CCSER1: variants seen among roughly 807,000 people sequenced by gnomAD.
CCSER1 encodes the protein serine-rich coiled-coil domain-containing protein 1.
A neutral mutation model predicts 82.0 loss-of-function variants in CCSER1; 41 were observed. The observed-to-expected ratio is 0.50, with a 90% CI of 0.39 to 0.65. The LOEUF is 0.65. Among genes scored for constraint, CCSER1 ranks in the 30% least tolerant of loss-of-function variants. The pLI, the probability that CCSER1 is intolerant of heterozygous loss-of-function variation, is 0.00. For synonymous variants in CCSER1, 414 were observed against 383.9 expected (o/e 1.08, Z -0.92); for missense variants, 1,119 against 1,064.2 (o/e 1.05, Z -0.72).
rs1292086803 is a variant in CCSER1 at position 91,598,716 on chromosome 4, C to T, written c.2362C>T (p.Leu788Phe). 2 of 1,551,530 alleles carry T rather than the reference C, an allele frequency of 1.3e-6. 1 individual carries two copies. Among genetic ancestry groups the T allele is most frequent in the Non-Finnish European group, 1.7e-6 (2 of 1,146,918 alleles). ...YKNKTCQLPS[L>F]CLSNFLKDKE... ...AAACAAGACCTGTCAACTCCCAAGT[C>T]TCTGTTTAAGTAATTTCCTGAAGGA... The change falls in exon 11 of 11, where the codon CTC (leucine) becomes TTC (phenylalanine). Residue 788 changes from leucine (L) to phenylalanine (F), a missense_variant. Leu to Phe is a conservative substitution (Grantham distance 22). Coordinates refer to ENST00000509176, the MANE Select transcript of CCSER1 (RefSeq NM_001145065.2).
intron 10 of CCSER1, among the ~76,000 whole-genome samples, chr4:91,211,977 C>G (rs1018189691): frequency 4.6e-5 from 7 of 152,072 alleles, no homozygotes; most frequent in Non-Finnish European, 1.0e-4. Flanking sequence ...CAGTGGCTAA[C>G]AGGTTTTTCA....
At chr4:90,335,475 G>C (rs1265345421) in intron 3 of CCSER1, among the ~76,000 whole-genome samples, 4 of 152,092 alleles carry the variant, frequency 2.6e-5, no homozygotes, top group Non-Finnish European at 5.9e-5. Context: ...ATTATTAGGA[G>C]ACCTTAAGAT....
intron 10 of CCSER1, among the ~76,000 whole-genome samples, chr4:91,359,650 G>T (rs764948112): frequency 3.3e-5 from 5 of 151,780 alleles, no homozygotes; most frequent in African/African-American, 4.8e-5. Flanking sequence ...GTTGATAAAG[G>T]GGTTTCAGGA....
At chr4:90,933,000 GAAAGAA>G (rs1730291726) in intron 9 of CCSER1, among the ~76,000 whole-genome samples, 2 of 63,284 alleles carry the variant, frequency 3.2e-5, no homozygotes, top group Non-Finnish European at 5.6e-5. Context: ...AAGAAAGAAA[GAAAGAA>G]AGAAAGAAAG....
chr4:90,275,871 A>G (rs1268597586), intron 1 of CCSER1, among the ~76,000 whole-genome samples: 1 of 152,172 alleles, frequency 6.6e-6, no homozygotes, highest in Non-Finnish European at 1.5e-5. Context: ...AAATTCAGCA[A>G]AAGTGTTAAT....
At position 91,588,530 on chromosome 4, in the gene CCSER1, T is replaced by C. The variant is rs1489218815; in HGVS notation, c.2218-10042T>C. ...CCTGCTGTGTCTTATTCCTTATTTA[T>C]ACTATGTGAAAGAATTTCAAAAAAT... On this transcript the variant is annotated intron_variant, in intron 10 of 10. Transcript: ENST00000509176. 2.0e-5 allele frequency among the ~76,000 whole-genome samples: 3 copies of C among 151,862 alleles called. No individual in the cohort carries two copies. In the East Asian group the frequency reaches 5.8e-4, roughly 29 times the overall value.
intron 8 of CCSER1, among the ~76,000 whole-genome samples, chr4:90,865,767 T>C (rs929589359): frequency 6.6e-6 from 1 of 151,976 alleles, no homozygotes; most frequent in Non-Finnish European, 1.5e-5. Flanking sequence ...TATTTCCTTA[T>C]CCCTCTCCAT....
intron 1 of CCSER1, among the ~76,000 whole-genome samples, chr4:90,181,229 A>G (rs1414177661): frequency 2.0e-5 from 3 of 152,198 alleles, no homozygotes; most frequent in Admixed American, 6.5e-5. Context: ...TTGGAAGAAA[A>G]AAAAGGAATT....
chr4:90,228,206 C>T (rs1423256834), intron 1 of CCSER1, among the ~76,000 whole-genome samples: 1 of 152,220 alleles, frequency 6.6e-6, no homozygotes, highest in Non-Finnish European at 1.5e-5. Flanking sequence ...GTAACCTCTG[C>T]AGACTTAAAT....
At chr4:90,369,935 A>G (rs1747082727) in intron 3 of CCSER1, among the ~76,000 whole-genome samples, 1 of 152,108 alleles carries the variant, frequency 6.6e-6, no homozygotes, top group African/African-American at 2.4e-5. Context: ...TAAAATTCAA[A>G]GAATATAATA....
At chr4:90,340,368 A>G (rs1470667029) in intron 3 of CCSER1, among the ~76,000 whole-genome samples, 2 of 152,196 alleles carry the variant, frequency 1.3e-5, no homozygotes, top group Admixed American at 6.5e-5. Flanking sequence ...TTGTTCTTTC[A>G]TAGTAAATAT....
intron 10 of CCSER1, among the ~76,000 whole-genome samples, chr4:91,592,758 G>A (rs1764325015): frequency 1.3e-5 from 2 of 149,522 alleles, no homozygotes; most frequent in Non-Finnish European, 3.0e-5. Flanking sequence ...AGTTTTCCTA[G>A]ATGGCTATTG....
chr4:91,277,560 G>GT (rs1172626580), intron 10 of CCSER1, among the ~76,000 whole-genome samples: 23 of 53,592 alleles, frequency 4.3e-4, no homozygotes, highest in East Asian at 3.2e-3. Flanking sequence ...GATTTTATTT[G>GT]TTTTTTTTCC....
chr4:90,184,005 A>G (rs1363255130), intron 1 of CCSER1, among the ~76,000 whole-genome samples: 1 of 152,136 alleles, frequency 6.6e-6, no homozygotes, highest in Non-Finnish European at 1.5e-5. Context: ...AAATATCATA[A>G]AGCATATCAA....
In CCSER1 at chr4:91,012,460, G is replaced by T. The variant is rs1474015363; in HGVS notation, c.2173-73490G>T. Among the ~76,000 whole-genome samples, 5 of 92,876 alleles carry T rather than the reference G, an allele frequency of 5.4e-5. No homozygotes were observed. The East Asian group carries it at 2.3e-3, about 43-fold the overall frequency. The allele number at this position is 92,876 out of a possible 152,430, so 60.9% of individuals were successfully genotyped here. On this transcript the variant is annotated intron_variant, in intron 9 of 10. Transcript: ENST00000509176. ...CACAAAGGAATCATTTTTGCAAGAG[G>T]AAGTATGCAATTTCAACTCAGTCCT...
intron 10 of CCSER1, among the ~76,000 whole-genome samples, chr4:91,242,862 G>A (rs1739476813): frequency 6.6e-6 from 1 of 152,166 alleles, no homozygotes; most frequent in African/African-American, 2.4e-5. Flanking sequence ...CGGTGGAATA[G>A]AAGCCTACGT....
chr4:90,748,255 C>G (rs1747888419), intron 7 of CCSER1, among the ~76,000 whole-genome samples: 1 of 139,314 alleles, frequency 7.2e-6, no homozygotes, highest in Non-Finnish European at 1.5e-5. Context: ...TCTCATTGTT[C>G]AATTCCCACC....
At chr4:90,357,694 A>T (rs1021327969) in intron 3 of CCSER1, among the ~76,000 whole-genome samples, 1 of 152,162 alleles carries the variant, frequency 6.6e-6, no homozygotes. Flanking sequence ...CAAGTAACAA[A>T]CTTAAAATTT....
At chr4:91,194,705 G>A (rs1353715111) in intron 10 of CCSER1, among the ~76,000 whole-genome samples, 2 of 152,038 alleles carry the variant, frequency 1.3e-5, no homozygotes, top group African/African-American at 2.4e-5. Context: ...AATGCACGCA[G>A]AAAGAGAGAG....
Sources: gnomAD v4.1 joint callset for allele counts (sites outside exome capture counted in the v4.1 genomes callset) on GRCh38, gnomAD v4.1.1 for gene constraint, MANE v1.5 for transcripts, NCBI Gene and HGNC (gene_info 2026-07-23, HGNC 2026-07-21) for gene names.